Variants in LDHA observed in about 807,000 individuals in gnomAD.
LDHA encodes the protein lactate dehydrogenase A, also known as L-lactate dehydrogenase A chain.
Under a neutral mutation model 36.3 loss-of-function variants are expected in LDHA, and 10 were observed. The observed-to-expected ratio is 0.28, with a 90% CI of 0.17 to 0.47. LDHA has a LOEUF of 0.47. LDHA is among the 20% of genes least tolerant of loss of function. The pLI, the probability that LDHA is intolerant of heterozygous loss-of-function variation, is 0.99. For synonymous variants in LDHA, 110 were observed against 136.7 expected, an observed-to-expected ratio of 0.80 and a Z score of 1.36; for missense variants, 267 against 405.8, an observed-to-expected ratio of 0.66 and a Z score of 2.94.
chr11:18,395,872 A>G (rs1056279995), intron 1 of LDHA, among the ~76,000 whole-genome samples: 1 of 152,218 alleles, frequency 6.6e-6, no homozygotes, highest in Non-Finnish European at 1.5e-5. Context: ...ACTGGGCCTG[A>G]CAGGCCTTTG....
rs1488775489 is a variant in LDHA, at chr11:18,403,732, C to G, written c.631C>G (p.Leu211Val). ...TGGAATGAATGTTGCTGGTGTCTCT[C>G]TGAAGACTCTGCACCCAGATTTAGG... ...WSGMNVAGVS[L>V]KTLHPDLGTD... The change falls in exon 6 of 8, where the codon CTG becomes GTG. Residue 211 changes from leucine to valine, a missense_variant. Transcript: ENST00000422447. 1 of 1,610,080 alleles carries G rather than the reference C, an allele frequency of 6.2e-7. No homozygotes were observed. The highest frequency in any genetic ancestry group is 1.3e-5 in the African/African-American group (1 of 74,966).
Position 18,407,948 on chromosome 11 carries a change from G to A in LDHA, c.*667G>A, listed in dbSNP as rs1436689094. 16 of 453,946 alleles carry A rather than the reference G, an allele frequency of 3.5e-5. No individual in the cohort carries two copies. The highest frequency in any genetic ancestry group is 1.2e-4 in the South Asian group (8 of 64,482). 28.1% of individuals were successfully genotyped at this position (453,946 alleles called of 1,614,324 possible). A position where few individuals can be genotyped will look rare whatever the true frequency, so the allele number is the denominator to read the frequency against. ...GGCTATTCTTGGGCAACCCTGCAAC[G>A]ATTTTTTCTAACAGGGATATTATTG... is the stretch of plus-strand genomic sequence containing the variant. On this transcript the variant is annotated 3_prime_UTR_variant, in exon 8 of 8. Transcript: ENST00000422447.
At chr11:18,396,624 C>G (rs1866314746) in intron 1 of LDHA, 195 bp from the exon 2 acceptor site, 1 of 1,407,484 alleles carries the variant, frequency 7.1e-7, no homozygotes, top group Admixed American at 3.2e-5. Flanking sequence ...TGGGCCTTCA[C>G]TCTTCACAGA....
chr11:18,397,031 AC>A, intron 2 of LDHA, 63 bp downstream of exon 2: 1 of 1,367,860 alleles, frequency 7.3e-7, no homozygotes, highest in Non-Finnish European at 1.0e-6. Context: ...CCCCACTCCT[AC>A]CCCTAGAACT....
rs11553865 is a variant in LDHA at position 18,396,896 on chromosome 11, C to T, written c.54C>T (p.Thr18=). ...LIYNLLKEEQ[T]PQNKITVVGV... ...ATAATCTTCTAAAGGAAGAACAGACCCCCCAGAATAAGATTACAGTTGTTG... is the reference window on the plus strand; with the variant it reads ...ATAATCTTCTAAAGGAAGAACAGACTCCCCAGAATAAGATTACAGTTGTTG... Residue 18 remains threonine, a synonymous_variant, in exon 2 of 8, where the codon ACC becomes ACT. Coordinates refer to ENST00000422447, the MANE Select transcript of LDHA (RefSeq NM_005566.4). The T allele has an allele frequency of 6.2e-7, 1 of 1,613,212 alleles. No individual in the cohort carries two copies. Among genetic ancestry groups the T allele is most frequent in the Non-Finnish European group, 8.5e-7 (1 of 1,179,356 alleles).
chr11:18,402,384 A>G (rs1430219470), intron 4 of LDHA, among the ~76,000 whole-genome samples: 1 of 152,040 alleles, frequency 6.6e-6, no homozygotes, highest in Non-Finnish European at 1.5e-5. Context: ...GCTTTGACCT[A>G]CTAGGCTCAG....
In LDHA at chr11:18,396,815, A is replaced by G. The variant is rs1444480997; in HGVS notation, c.-24-4A>G. 3.7e-6 allele frequency: 6 copies of G among 1,601,012 alleles called. No homozygotes were observed. Among genetic ancestry groups the G allele is most frequent in the Non-Finnish European group, 5.1e-6 (6 of 1,173,556 alleles). On this transcript the variant is annotated splice_polypyrimidine_tract_variant and splice_region_variant and intron_variant, in intron 1 of 7. Transcript: ENST00000422447. ...AGTGACACTAAATGTTTTTCCTCCT[A>G]TAGATTCCTTTTGGTTCCAAGTCCA...
chr11:18,406,916 GA>G (rs1312809757), intron 7 of LDHA, among the ~76,000 whole-genome samples, 200 bp from the exon 8 acceptor site: 1 of 151,356 alleles, frequency 6.6e-6, no homozygotes, highest in Non-Finnish European at 1.5e-5. Context: ...TGAAGCAGGA[GA>G]ATTACTTGAA....
At chr11:18,397,887 G>A (rs1866353815) in intron 2 of LDHA, among the ~76,000 whole-genome samples, 1 of 152,174 alleles carries the variant, frequency 6.6e-6, no homozygotes, top group Admixed American at 6.6e-5. Flanking sequence ...AATAGAAATG[G>A]ATTCAAGTGA....
rs532381928 is a variant in LDHA at position 18,397,783 on chromosome 11, C to G, written c.126+815C>G. The stretch of plus-strand genomic sequence containing the variant: ...CCGAGATAGCACCACTCCACTCCAG[C>G]CTGGGCGACAGTGAGACTCCATCTC... On this transcript the variant is annotated intron_variant, in intron 2 of 7. Coordinates refer to ENST00000422447, the MANE Select transcript of LDHA (RefSeq NM_005566.4). Among the ~76,000 whole-genome samples the G allele has an allele frequency of 5.9e-5, 9 of 152,150 alleles. No homozygotes were observed. The East Asian group carries it at 9.7e-4, about 16-fold the overall frequency.
intron 1 of LDHA, among the ~76,000 whole-genome samples, chr11:18,395,969 C>A (rs1053965497): frequency 6.6e-6 from 1 of 152,378 alleles, no homozygotes; most frequent in Middle Eastern, 3.4e-3. Flanking sequence ...GATTTAAAGT[C>A]TGGCGCTGGC....
chr11:18,396,377 C>G lies in LDHA; in HGVS notation c.-24-442C>G, dbSNP rs968523903. ...CAAAGCGCGCATGCGCGCGGATCACCGCAGGCTCCTGTGCCTTGGGCTTGA... is the reference window on the plus strand; with the variant it reads ...CAAAGCGCGCATGCGCGCGGATCACGGCAGGCTCCTGTGCCTTGGGCTTGA... On this transcript the variant is annotated intron_variant, in intron 1 of 7. Transcript: ENST00000422447. The G allele has an allele frequency of 2.0e-5, 8 of 400,324 alleles. No homozygotes were observed. The East Asian group carries it at 2.5e-4, about 12-fold the overall frequency. 24.8% of individuals were successfully genotyped at this position (400,324 alleles called of 1,614,324 possible). A position where few individuals can be genotyped will look rare whatever the true frequency, so the allele number is the denominator to read the frequency against.
intron 2 of LDHA, chr11:18,397,449 TA>T (rs752031075): frequency 6.5e-6 from 1 of 154,364 alleles, no homozygotes; most frequent in Non-Finnish European, 1.4e-5. Flanking sequence ...AAATTGTGAG[TA>T]AAGCACTCCT....
Position 18,408,218 on chromosome 11 carries a change from G to T in LDHA, c.*937G>T, listed in dbSNP as rs1228313886. On this transcript the variant is annotated 3_prime_UTR_variant, in exon 8 of 8. Coordinates refer to ENST00000422447, the MANE Select transcript of LDHA (RefSeq NM_005566.4). Reference sequence around the variant, plus strand: ...CAATTAAAAACAATCTTAAGGCAGGGTGCAGTGGCTCATGCCTATAATCCC... The same window carrying T: ...CAATTAAAAACAATCTTAAGGCAGGTTGCAGTGGCTCATGCCTATAATCCC... 1 of 454,012 alleles carries T rather than the reference G, an allele frequency of 2.2e-6. No individual in the cohort carries two copies. Among genetic ancestry groups the T allele is most frequent in the South Asian group, 1.6e-5 (1 of 64,434 alleles). 28.1% of individuals were successfully genotyped at this position (454,012 alleles called of 1,614,324 possible).
At chr11:18,404,445 G>A (rs1409194232) in intron 6 of LDHA, among the ~76,000 whole-genome samples, 7 of 151,988 alleles carry the variant, frequency 4.6e-5, no homozygotes. Context: ...TATTGAAATA[G>A]GGAAGCTTTC....
At position 18,403,813 on chromosome 11, in the gene LDHA, TAATA is replaced by T. The variant is rs781132218; in HGVS notation, c.710+6_710+9del. 7 of 1,467,522 alleles carry T rather than the reference TAATA, an allele frequency of 4.8e-6. No individual in the cohort carries two copies. In the East Asian group the frequency reaches 1.1e-4, roughly 24 times the overall value. The allele number at this position is 1,467,522 out of a possible 1,614,324, so 90.9% of individuals were successfully genotyped here. A position where few individuals can be genotyped will look rare whatever the true frequency, so the allele number is the denominator to read the frequency against. On this transcript the variant is annotated splice_donor_5th_base_variant and intron_variant, in intron 6 of 7. Transcript: ENST00000422447. The stretch of plus-strand genomic sequence containing the variant: ...GGTTCACAAGCAGGTGGTTGAGAGG[TAATA>T]AATCTTTCAATTTGGCAACACAGAA...
chr11:18,401,162 ATT>A, intron 4 of LDHA, 152 bp downstream of exon 4: 1 of 309,756 alleles, frequency 3.2e-6, no homozygotes, highest in African/African-American at 2.3e-5. Context: ...ATATATATAT[ATT>A]TTGAGGCGGA....
chr11:18,406,800 G>C, intron 7 of LDHA: 1 of 224,002 alleles, frequency 4.5e-6, no homozygotes, highest in Non-Finnish European at 8.8e-6. Context: ...GATCACCTGA[G>C]GTCAAGAATT....
chr11:18,398,468 C>T (rs1866369976), intron 2 of LDHA, among the ~76,000 whole-genome samples: 1 of 151,938 alleles, frequency 6.6e-6, no homozygotes, highest in Non-Finnish European at 1.5e-5. Flanking sequence ...TCTTGGCTCA[C>T]TTGACCTCCT....
Sources: gnomAD v4.1 joint callset for allele counts (sites outside exome capture counted in the v4.1 genomes callset) on GRCh38, gnomAD v4.1.1 for gene constraint, MANE v1.5 for transcripts, NCBI Gene and HGNC (gene_info 2026-07-23, HGNC 2026-07-21) for gene names.